Variants in TNKS1BP1 observed in about 807,000 individuals in gnomAD.
TNKS1BP1 encodes 182 kDa tankyrase-1-binding protein.
A neutral mutation model predicts 141.1 loss-of-function variants in TNKS1BP1; 48 were observed. The ratio of observed to expected loss-of-function variants is 0.34; its 90% CI spans 0.27 to 0.43. TNKS1BP1 has a LOEUF of 0.43. Ranked by LOEUF, TNKS1BP1 falls within the 20% of genes least tolerant of loss-of-function variation. The pLI is 1.00. For missense variants in TNKS1BP1, 2,149 were observed against 2,226.0 expected, an observed-to-expected ratio of 0.97 and a Z score of 0.70; for synonymous variants, 875 against 898.2, an observed-to-expected ratio of 0.97 and a Z score of 0.46.
chr11:57,311,770 C>T, intron 5 of TNKS1BP1, among the ~76,000 whole-genome samples: 1 of 152,234 alleles, frequency 6.6e-6, no homozygotes, highest in East Asian at 1.9e-4. Context: ...GGCACTGGGC[C>T]GGGAAACGGC....
chr11:57,304,548 G>T (rs540571907), intron 6 of TNKS1BP1, among the ~76,000 whole-genome samples: 1 of 152,274 alleles, frequency 6.6e-6, no homozygotes, highest in South Asian at 2.1e-4. Flanking sequence ...CTGGGGTGGG[G>T]CAAAAGAAGG....
At chr11:57,322,000 T>C (rs1855895116) in intron 1 of TNKS1BP1, 50 bp from the exon 2 acceptor site, 1 of 1,412,512 alleles carries the variant, frequency 7.1e-7, no homozygotes, top group South Asian at 1.4e-5. Context: ...GCGTTGCCAG[T>C]AGGTTTAGCA....
At chr11:57,322,299 A>G in intron 1 of TNKS1BP1, 1 of 1,006,504 alleles carries the variant, frequency 9.9e-7, no homozygotes, top group Non-Finnish European at 1.2e-6. Context: ...AAGCAGAGCT[A>G]GAGAGCTGCA....
Position 57,309,702 on chromosome 11 carries a change from T to A in TNKS1BP1, c.3009A>T (p.Pro1003=). The change falls in exon 6 of 12, where the codon CCA becomes CCT. Residue 1003 remains proline (P), a synonymous_variant. Coordinates refer to ENST00000358252, the MANE Select transcript of TNKS1BP1 (RefSeq NM_033396.3). This position sits in a 1 kb window ranked among gnomAD's most constrained non-coding sequence, Gnocchi z 4.3. ...CCTCTCCAAGGCTGTCTTCCACACT[T>A]GGAATCTTCTTCTCAAATTCCTCAT... ...QQDEEFEKKI[P]SVEDSLGEGS... The A allele has an allele frequency of 6.2e-7, 1 of 1,614,114 alleles. No homozygotes were observed.
chr11:57,314,808 G>A (rs767484194), intron 4 of TNKS1BP1, among the ~76,000 whole-genome samples: 11 of 152,062 alleles, frequency 7.2e-5, no homozygotes, highest in African/African-American at 1.4e-4. Context: ...TTCCCTGGCC[G>A]CCCTCTCCCA....
At position 57,314,108 on chromosome 11, in the gene TNKS1BP1, C is replaced by T. The variant is rs148940935; in HGVS notation, c.799-219G>A. Reference sequence around the variant, plus strand: ...CCTTTAGACCTTCTTCCCCAGAATGCGCCTATCCTTATTCACAAAGCATAA... The same window carrying T: ...CCTTTAGACCTTCTTCCCCAGAATGTGCCTATCCTTATTCACAAAGCATAA... On this transcript the variant is annotated intron_variant, in intron 4 of 11. Transcript: ENST00000358252. 1.8e-3 allele frequency among the ~76,000 whole-genome samples: 280 copies of T among 152,290 alleles called. 1 individual carries two copies. The highest frequency in any genetic ancestry group is 6.3e-3 in the African/African-American group (260 of 41,564).
At chr11:57,314,897 T>C (rs1855774776) in intron 4 of TNKS1BP1, among the ~76,000 whole-genome samples, 1 of 152,168 alleles carries the variant, frequency 6.6e-6, no homozygotes, top group South Asian at 2.1e-4. Context: ...AGGTCCCTTC[T>C]GTTCCCTCCA....
In TNKS1BP1 at chr11:57,302,004, A is replaced by T; in HGVS notation, c.4835-61T>A. 1.2e-6 allele frequency: 2 copies of T among 1,605,814 alleles called. No individual in the cohort carries two copies. On this transcript the variant is annotated intron_variant, in intron 8 of 11. Coordinates refer to ENST00000358252, the MANE Select transcript of TNKS1BP1 (RefSeq NM_033396.3). This position sits in a 1 kb window ranked among gnomAD's most constrained non-coding sequence, Gnocchi z 5.5. ...GCACACCCAGACTCCCCGAACCCAT[A>T]ACCCCTGCAAAAGCTTGGCCTAATG... is the stretch of plus-strand genomic sequence containing the variant.
chr11:57,322,466 C>T (rs949035366), intron 1 of TNKS1BP1: 1 of 217,558 alleles, frequency 4.6e-6, no homozygotes, highest in African/African-American at 2.3e-5. Context: ...CTTCTCCCCC[C>T]TCTCCCTGTT....
chr11:57,320,011 G>GCCCCCCCCCCAAACCACCC, intron 3 of TNKS1BP1, 68 bp downstream of exon 3: 4 of 1,296,684 alleles, frequency 3.1e-6, no homozygotes, highest in Non-Finnish European at 3.3e-6. Flanking sequence ...TTGGTCCCCA[G>GCCCCCCCCCCAAACCACCC]CCCCCACCCA....
rs1855551533 is a variant in TNKS1BP1 at position 57,302,978 on chromosome 11, TG to T, written c.4317-154del. ...GACTCCAAGGACACGGTCAGGGCCT[TG>T]AGCAACACAGCACACAGGTGAAGAG... is the stretch of plus-strand genomic sequence containing the variant. On this transcript the variant is annotated intron_variant, in intron 6 of 11. Coordinates refer to ENST00000358252, the MANE Select transcript of TNKS1BP1 (RefSeq NM_033396.3). The surrounding 1 kb of genome is among the most constrained non-coding windows in gnomAD (Gnocchi z 5.5). 1 of 930,000 alleles carries T rather than the reference TG, an allele frequency of 1.1e-6. No individual in the cohort carries two copies. The highest frequency in any genetic ancestry group is 3.1e-5 in the Admixed American group (1 of 32,714). 57.6% of individuals were successfully genotyped at this position (930,000 alleles called of 1,614,324 possible). A position where few individuals can be genotyped will look rare whatever the true frequency, so the allele number is the denominator to read the frequency against.
At position 57,299,761 on chromosome 11, in the gene TNKS1BP1, A is replaced by G. The variant is rs1288637326; in HGVS notation, c.*333T>C. The G allele has an allele frequency of 6.5e-6, 1 of 154,758 alleles. No homozygotes were observed. The highest frequency in any genetic ancestry group is 1.5e-5 in the Non-Finnish European group (1 of 68,192). The allele number at this position is 154,758 out of a possible 1,614,324, so 9.6% of individuals were successfully genotyped here. Reference sequence around the variant, plus strand: ...GGGATACAGTCCCACCCATTATAAAAATCAAAGGCTTTTATAAAAAATGCT... The same window carrying G: ...GGGATACAGTCCCACCCATTATAAAGATCAAAGGCTTTTATAAAAAATGCT... On this transcript the variant is annotated 3_prime_UTR_variant, in exon 12 of 12. Coordinates refer to ENST00000358252, the MANE Select transcript of TNKS1BP1 (RefSeq NM_033396.3).
Position 57,312,601 on chromosome 11 carries a change from C to A in TNKS1BP1, c.2087G>T (p.Gly696Val). 2 of 1,544,600 alleles carry A rather than the reference C, an allele frequency of 1.3e-6. No individual in the cohort carries two copies. The highest frequency in any genetic ancestry group is 1.7e-6 in the Non-Finnish European group (2 of 1,148,692). The change falls in exon 5 of 12, where the codon GGT becomes GTT. Residue 696 changes from glycine to valine, a missense_variant. Transcript: ENST00000358252. Reference sequence around the variant, plus strand: ...TCCAGCTCCCCGCCTTGCACCGCCACCACTGGGTGGTGGTGAAGCCAGGAG... The same window carrying A: ...TCCAGCTCCCCGCCTTGCACCGCCAACACTGGGTGGTGGTGAAGCCAGGAG... ...DDLLASPPPS[G>V]GGARRGAGAE...
chr11:57,303,826 G>A (rs1855567311), intron 6 of TNKS1BP1, among the ~76,000 whole-genome samples: 1 of 152,148 alleles, frequency 6.6e-6, no homozygotes, highest in Non-Finnish European at 1.5e-5. Context: ...AGGGCAGGGG[G>A]ATCACGTGAG....
chr11:57,320,022 AT>A, intron 3 of TNKS1BP1, 56 bp downstream of exon 3: 60 of 1,118,610 alleles, frequency 5.4e-5, no homozygotes, highest in East Asian at 9.3e-5. Context: ...CCCCCACCCA[AT>A]CCCACCCCAC....
At chr11:57,314,566 T>C (rs1485301595) in intron 4 of TNKS1BP1, among the ~76,000 whole-genome samples, 1 of 152,162 alleles carries the variant, frequency 6.6e-6, no homozygotes, top group Admixed American at 6.5e-5. Context: ...TCCCCATCTG[T>C]ACATTAGGGC....
Position 57,302,391 on chromosome 11 carries a change from C to G in TNKS1BP1, c.4683+68G>C. 6.5e-7 allele frequency: 1 copy of G among 1,545,260 alleles called. No homozygotes were observed. On this transcript the variant is annotated intron_variant, in intron 7 of 11. Coordinates refer to ENST00000358252, the MANE Select transcript of TNKS1BP1 (RefSeq NM_033396.3). The surrounding 1 kb of genome is among the most constrained non-coding windows in gnomAD (Gnocchi z 5.5). ...CCTGGACTGGGACTGCTCAGGGAAG[C>G]TCCAGGAATGGGGCTCTCGCTGCAT...
At chr11:57,315,091 G>A (rs761993011) in intron 4 of TNKS1BP1, among the ~76,000 whole-genome samples, 1 of 151,900 alleles carries the variant, frequency 6.6e-6, no homozygotes, top group Non-Finnish European at 1.5e-5. Context: ...AGCCAGATGC[G>A]ACCCTTCCAG....
chr11:57,301,938 G>A lies in TNKS1BP1; in HGVS notation c.4840C>T (p.Arg1614Trp), dbSNP rs771893296. 21 of 1,613,514 alleles carry A rather than the reference G, an allele frequency of 1.3e-5. No homozygotes were observed. The highest frequency in any genetic ancestry group is 2.2e-5 in the East Asian group (1 of 44,872). ...AHLFQDSTEP[R>W]ASRVPSSDEE... The stretch of plus-strand genomic sequence containing the variant: ...TCTGAAGATGGCACCCGAGATGCCC[G>A]TGGCTCTGCAAAGGCCCGGGAAAGG... Residue 1614 changes from arginine to tryptophan, a missense_variant, in exon 9 of 12, where the codon CGG becomes TGG. Arg to Trp is a moderately radical substitution (Grantham distance 101). Coordinates refer to ENST00000358252, the MANE Select transcript of TNKS1BP1 (RefSeq NM_033396.3).
Sources: gnomAD v4.1 joint callset for allele counts (sites outside exome capture counted in the v4.1 genomes callset) on GRCh38, gnomAD v4.1.1 for gene constraint, Gnocchi (gnomAD v3.1) non-coding constraint, MANE v1.5 for transcripts, NCBI Gene and HGNC (gene_info 2026-07-23, HGNC 2026-07-21) for gene names.